ACSM3: variants seen among roughly 807,000 people sequenced by gnomAD.
The protein encoded by ACSM3 is acyl-coenzyme A synthetase ACSM3, mitochondrial.
Under a neutral mutation model 74.1 loss-of-function variants are expected in ACSM3, and 61 were observed. That is an observed-to-expected ratio of 0.82 (90% CI 0.67 to 1.02). The LOEUF (loss-of-function observed/expected upper bound fraction) is 1.02, where lower values mean the gene tolerates loss of function less well. ACSM3 is among the 50% of genes least tolerant of loss of function. ACSM3 has a pLI of 0.00. For synonymous variants in ACSM3, 213 were observed against 241.5 expected, an observed-to-expected ratio of 0.88 and a Z score of 1.09; for missense variants, 660 against 697.0, an observed-to-expected ratio of 0.95 and a Z score of 0.60.
At chr16:20,704,530 C>T in intron 1 of ACSM3, among the ~76,000 whole-genome samples, 1 of 152,172 alleles carries the variant, frequency 6.6e-6, no homozygotes, top group East Asian at 1.9e-4. Context: ...GTCAACATGT[C>T]AGAATTCCAG....
chr16:20,755,349 G>A (rs2080020706), intron 2 of ACSM3, among the ~76,000 whole-genome samples: 1 of 152,112 alleles, frequency 6.6e-6, no homozygotes, highest in Non-Finnish European at 1.5e-5. Flanking sequence ...TGACAGAAAT[G>A]TTAGAATCAT....
At chr16:20,711,496 A>G in intron 1 of ACSM3, 2 of 1,385,376 alleles carry the variant, frequency 1.4e-6, no homozygotes, top group Non-Finnish European at 9.9e-7. Flanking sequence ...GCCAGGAACA[A>G]TCCAGCTGAC....
At chr16:20,714,160 C>A (rs1271298899) in intron 1 of ACSM3, among the ~76,000 whole-genome samples, 1 of 149,508 alleles carries the variant, frequency 6.7e-6, no homozygotes, top group African/African-American at 2.5e-5. Flanking sequence ...TTGAGGGGGT[C>A]AAGATGGTGC....
At position 20,777,397 on chromosome 16, in the gene ACSM3, C is replaced by T. The variant is rs1438816533; in HGVS notation, c.455C>T (p.Thr152Ile). ...RTGTVLIPGT[T>I]QLTQKDILYR... ...GGGACAGTTTTAATTCCAGGAACCA[C>T]TCAGCTGACCCAGAAAGACATTCTC... The change falls in exon 4 of 14, where the codon ACT becomes ATT. Residue 152 changes from threonine (T) to isoleucine (I), a missense_variant. By Grantham distance (89) the Thr-to-Ile change is moderately conservative. Transcript: ENST00000289416. 1 of 1,614,040 alleles carries T rather than the reference C, an allele frequency of 6.2e-7. No individual in the cohort carries two copies. Among genetic ancestry groups the T allele is most frequent in the East Asian group, 2.2e-5 (1 of 44,878 alleles).
chr16:20,737,900 T>C (rs768132475), intron 1 of ACSM3: 36 of 1,613,750 alleles, frequency 2.2e-5, no homozygotes, highest in Non-Finnish European at 2.9e-5. Context: ...ACTCGAGTCT[T>C]CTTTTTCTTG....
At position 20,797,489 on chromosome 16, in the gene ACSM3, G is replaced by A; in HGVS notation, c.*517G>A. On this transcript the variant is annotated 3_prime_UTR_variant, in exon 14 of 14. Coordinates refer to ENST00000289416, the MANE Select transcript of ACSM3 (RefSeq NM_005622.4). ...ATTTTTTGCAAATAATTTAAAAATA[G>A]TTTAGACTTGTTTCAAGGTCTAACT... 9.0e-7 allele frequency: 1 copy of A among 1,112,772 alleles called. No homozygotes were observed. Among genetic ancestry groups the A allele is most frequent in the Non-Finnish European group, 1.1e-6 (1 of 912,100 alleles). The allele number at this position is 1,112,772 out of a possible 1,614,324, so 68.9% of individuals were successfully genotyped here.
intron 1 of ACSM3, chr16:20,736,674 G>T: frequency 1.8e-6 from 1 of 564,496 alleles, no homozygotes; most frequent in Non-Finnish European, 3.1e-6. Flanking sequence ...GCAGCACATG[G>T]GTCTGCCTCT....
chr16:20,682,268 C>A (rs148646745), intron 1 of ACSM3: 2 of 1,612,898 alleles, frequency 1.2e-6, no homozygotes, highest in South Asian at 1.1e-5. Flanking sequence ...AACCAGCGAT[C>A]GGAAGTCCAG....
chr16:20,734,732 T>C (rs2079854536), intron 1 of ACSM3: 1 of 152,192 alleles, frequency 6.6e-6, no homozygotes, highest in South Asian at 2.1e-4. Context: ...TTGAAAAAAC[T>C]TTCAAATTCA....
intron 2 of ACSM3, among the ~76,000 whole-genome samples, chr16:20,772,983 AG>A (rs2080211960): frequency 6.6e-6 from 1 of 151,684 alleles, no homozygotes. Context: ...AAAAAAAAAA[AG>A]ATTTAGTGTT....
intron 1 of ACSM3, among the ~76,000 whole-genome samples, chr16:20,732,168 T>C (rs1367097931): frequency 6.6e-6 from 1 of 152,186 alleles, no homozygotes; most frequent in African/African-American, 2.4e-5. Context: ...ATGAAATCTT[T>C]CCTGAAACTT....
chr16:20,758,886 T>C (rs2080053149), intron 3 of ACSM3, among the ~76,000 whole-genome samples: 1 of 151,910 alleles, frequency 6.6e-6, no homozygotes, highest in Non-Finnish European at 1.5e-5. Flanking sequence ...TTTCATTATG[T>C]ACCCAGTAGT....
chr16:20,691,192 G>GAA, intron 1 of ACSM3: 1 of 1,564,174 alleles, frequency 6.4e-7, no homozygotes, highest in South Asian at 1.2e-5. Flanking sequence ...ACTGCATGGT[G>GAA]AAACAGTCCT....
intron 1 of ACSM3, chr16:20,682,592 C>T: frequency 1.6e-6 from 1 of 636,374 alleles, no homozygotes; most frequent in Non-Finnish European, 2.8e-6. Flanking sequence ...ACAACAGCAG[C>T]AGCACTATCC....
At chr16:20,675,339 G>T (rs935331174) in intron 1 of ACSM3, among the ~76,000 whole-genome samples, 2 of 152,164 alleles carry the variant, frequency 1.3e-5, no homozygotes, top group Admixed American at 6.5e-5. Context: ...ATCCCTTAGC[G>T]CAGGCTGTGT....
intron 1 of ACSM3, among the ~76,000 whole-genome samples, chr16:20,766,229 A>G (rs1166564053): frequency 1.3e-5 from 2 of 152,126 alleles, no homozygotes; most frequent in Non-Finnish European, 2.9e-5. Context: ...TTCCTTTTGG[A>G]AGACATAGTT....
chr16:20,757,876 G>GC, intron 3 of ACSM3, among the ~76,000 whole-genome samples: 1 of 152,062 alleles, frequency 6.6e-6, no homozygotes, highest in African/African-American at 2.4e-5. Context: ...GGCCTTTTCT[G>GC]CATCTATTGA....
chr16:20,711,653 G>T, intron 1 of ACSM3: 5 of 756,602 alleles, frequency 6.6e-6, no homozygotes, highest in Middle Eastern at 2.6e-4. Context: ...AGCCGGAACA[G>T]GTGGCTCAGT....
intron 9 of ACSM3, among the ~76,000 whole-genome samples, chr16:20,787,853 C>T (rs1567360202): frequency 6.6e-6 from 1 of 152,116 alleles, no homozygotes; most frequent in Non-Finnish European, 1.5e-5. Context: ...TGTCTGTTTG[C>T]CTGGGACTTA....
Sources: allele counts gnomAD v4.1 joint callset (sites outside exome capture counted in the v4.1 genomes callset), GRCh38; gene constraint gnomAD v4.1.1; transcripts MANE v1.5; gene names NCBI Gene and HGNC (gene_info 2026-07-23, HGNC 2026-07-21).